OR3A2: variants seen among roughly 807,000 people sequenced by gnomAD.
OR3A2 encodes the protein olfactory receptor family 3 subfamily A member 2, also known as olfactory receptor 3A2.
For missense variants in OR3A2, 318 were observed against 392.8 expected (o/e 0.81, Z 1.61); for synonymous variants, 126 against 159.3 (o/e 0.79, Z 1.57).
At chr17:3,341,213 T>C (rs1334067836) in intron 2 of OR3A2, among the ~76,000 whole-genome samples, 1 of 152,224 alleles carries the variant, frequency 6.6e-6, no homozygotes, top group Non-Finnish European at 1.5e-5. Flanking sequence ...GTCTTGACTC[T>C]TTATTCAATT....
At chr17:3,322,591 C>T (rs2150636466) in intron 3 of OR3A2, among the ~76,000 whole-genome samples, 1 of 152,290 alleles carries the variant, frequency 6.6e-6, no homozygotes, top group South Asian at 2.1e-4. Flanking sequence ...CCATTGGTTT[C>T]AAAGAACATC....
At chr17:3,346,824 A>G (rs1483438511) in intron 2 of OR3A2, among the ~76,000 whole-genome samples, 1 of 152,128 alleles carries the variant, frequency 6.6e-6, no homozygotes, top group Non-Finnish European at 1.5e-5. Context: ...TATTCACTCA[A>G]TATAAGGACC....
chr17:3,281,526 G>A (rs1050249690), intron 1 of OR3A2, among the ~76,000 whole-genome samples: 3 of 152,008 alleles, frequency 2.0e-5, no homozygotes, highest in Non-Finnish European at 2.9e-5. Flanking sequence ...GAGGCACCGC[G>A]CCCGGCAGCA....
At chr17:3,333,735 A>G (rs1273289346) in intron 3 of OR3A2, among the ~76,000 whole-genome samples, 8 of 152,234 alleles carry the variant, frequency 5.3e-5, no homozygotes, top group Admixed American at 6.5e-5. Context: ...AATTGCAACA[A>G]AAGAAAAAAT....
chr17:3,336,008 A>G (rs1450673221), intron 3 of OR3A2, 21 bp downstream of exon 2: 2 of 152,342 alleles, frequency 1.3e-5, no homozygotes, highest in African/African-American at 2.4e-5. Context: ...CTCCTTTCAT[A>G]ACTGGCAAAT....
intron 2 of OR3A2, among the ~76,000 whole-genome samples, chr17:3,375,388 T>A (rs1463153142): frequency 6.6e-6 from 1 of 151,050 alleles, no homozygotes; most frequent in Non-Finnish European, 1.5e-5. Context: ...CTGCAACCTT[T>A]GCCTCCTGGG....
intron 2 of OR3A2, among the ~76,000 whole-genome samples, chr17:3,339,260 T>G (rs758402912): frequency 6.6e-6 from 1 of 152,212 alleles, no homozygotes. Flanking sequence ...ACACTTTATT[T>G]CTTTCTCCTG....
At chr17:3,371,655 G>A (rs1207457938) in intron 2 of OR3A2, among the ~76,000 whole-genome samples, 11 of 123,426 alleles carry the variant, frequency 8.9e-5, no homozygotes, top group Admixed American at 2.4e-4. Flanking sequence ...GGGCAGAGGC[G>A]CCCCTCACCT....
chr17:3,302,197 C>A (rs1016677406), intron 3 of OR3A2, among the ~76,000 whole-genome samples: 2 of 152,056 alleles, frequency 1.3e-5, no homozygotes, highest in African/African-American at 2.4e-5. Flanking sequence ...CAATGCCATC[C>A]CCATCAAGCT....
chr17:3,292,734 C>T (rs546465248), intron 3 of OR3A2: 3 of 626,892 alleles, frequency 4.8e-6, no homozygotes, highest in Admixed American at 3.0e-5. Context: ...CCTTAGGCCA[C>T]ACTACACTTG....
At position 3,328,396 on chromosome 17, in the gene OR3A2, T is replaced by C. The variant is rs972356103; in HGVS notation, c.-85+7637A>G. ...TGTATAAGAATGCTTGTGATTTTTG[T>C]ACATTGATTTTGTATCCTGAGACTT... On this transcript the variant is annotated intron_variant, in intron 3 of 4. Coordinates refer to the OR3A2 transcript ENST00000573491. Among the ~76,000 whole-genome samples, 99 of 92,084 alleles carry C rather than the reference T, an allele frequency of 1.1e-3. 1 individual carries two copies. The highest frequency in any genetic ancestry group is 8.2e-4 in the Non-Finnish European group (41 of 49,922). The allele number at this position is 92,084 out of a possible 152,430, so 60.4% of individuals were successfully genotyped here.
chr17:3,312,507 A>G (rs1344925160), intron 3 of OR3A2, among the ~76,000 whole-genome samples: 3 of 152,232 alleles, frequency 2.0e-5, no homozygotes, highest in Non-Finnish European at 4.4e-5. Context: ...TAGTAGGGAC[A>G]ACACAGGTAC....
chr17:3,284,183 G>A (rs1281682133), intron 1 of OR3A2, among the ~76,000 whole-genome samples, 175 bp downstream of exon 3: 11 of 149,134 alleles, frequency 7.4e-5, no homozygotes, highest in African/African-American at 2.8e-4. Flanking sequence ...TGAGAGAGGC[G>A]AGCACGGGGA....
upstream of OR3A2, among the ~76,000 whole-genome samples, chr17:3,287,760 G>A (rs775746859): frequency 2.4e-4 from 36 of 152,168 alleles, no homozygotes; most frequent in South Asian, 1.9e-3. Context: ...AACTTGCTTC[G>A]TGGGTGGCAG....
intron 2 of OR3A2, among the ~76,000 whole-genome samples, chr17:3,342,770 T>C (rs1353922449): frequency 6.6e-6 from 1 of 152,200 alleles, no homozygotes; most frequent in African/African-American, 2.4e-5. Flanking sequence ...CTGTCCATTC[T>C]CAGAGCTCAA....
chr17:3,332,978 A>G (rs1251860891), intron 3 of OR3A2, among the ~76,000 whole-genome samples: 3 of 152,216 alleles, frequency 2.0e-5, no homozygotes, highest in African/African-American at 7.2e-5. Flanking sequence ...TTTAAGGAAC[A>G]AGGGAAGACA....
Position 3,360,960 on chromosome 17 carries a change from C to T in OR3A2, c.-179+22844G>A, listed in dbSNP as rs1229512321. ...TTTTTCCCAATTCTGTGAAGAAAGT[C>T]ATTGGTAGCTTGATGGGGATGGCAT... On this transcript the variant is annotated intron_variant, in intron 2 of 4. Transcript: ENST00000573491. Among the ~76,000 whole-genome samples the T allele has an allele frequency of 4.0e-5, 6 of 151,534 alleles. No homozygotes were observed. In the East Asian group the frequency reaches 1.2e-3, roughly 29 times the overall value.
At chr17:3,341,164 G>A (rs2049314740) in intron 2 of OR3A2, among the ~76,000 whole-genome samples, 2 of 152,116 alleles carry the variant, frequency 1.3e-5, no homozygotes, top group Admixed American at 1.3e-4. Flanking sequence ...GTGTGTCTCT[G>A]CCCATGAGAT....
At chr17:3,349,710 CCAAAT>C (rs1425894869) in intron 2 of OR3A2, among the ~76,000 whole-genome samples, 1 of 150,770 alleles carries the variant, frequency 6.6e-6, no homozygotes, top group Non-Finnish European at 1.5e-5. Flanking sequence ...ACTCTCCACC[CCAAAT>C]CAACAGAATA....
Sources: gnomAD v4.1 joint callset for allele counts (sites outside exome capture counted in the v4.1 genomes callset) on GRCh38, gnomAD v4.1.1 for gene constraint, MANE v1.5 for transcripts, NCBI Gene and HGNC (gene_info 2026-07-23, HGNC 2026-07-21) for gene names.